The following RBFOX3 variants were observed in gnomAD, a reference collection of about 807,000 sequenced individuals.
RBFOX3 encodes RNA binding protein fox-1 homolog 3.
RBFOX3 carries 17 observed loss-of-function variants against 48.7 expected under a neutral mutation model. The ratio of observed to expected loss-of-function variants is 0.35; its 90% CI spans 0.24 to 0.52. The LOEUF is 0.52. Ranked by LOEUF, RBFOX3 falls within the 20% of genes least tolerant of loss-of-function variation. RBFOX3 has a pLI of 0.94. For synonymous variants in RBFOX3, 212 were observed against 209.5 expected, an observed-to-expected ratio of 1.01 and a Z score of -0.10; for missense variants, 382 against 497.5, an observed-to-expected ratio of 0.77 and a Z score of 2.21.
rs529380538 is a variant in RBFOX3 at position 79,122,872 on chromosome 17, TA to T, written c.-33-7125del. Among the ~76,000 whole-genome samples, 555 of 148,704 alleles carry T rather than the reference TA, an allele frequency of 3.7e-3. 3 individuals carry two copies. The highest frequency in any genetic ancestry group is 0.013 in the African/African-American group (515 of 40,530). On this transcript the variant is annotated intron_variant, in intron 4 of 14. Coordinates refer to ENST00000693108, the MANE Select transcript of RBFOX3 (RefSeq NM_001350451.2). ...TACACAATGGAGTACTATTGAGCCA[TA>T]AAAAAAAAATGAGGGCCTGTCATTT...
chr17:79,493,209 C>G (rs2080956905), intron 1 of RBFOX3, among the ~76,000 whole-genome samples: 1 of 152,062 alleles, frequency 6.6e-6, no homozygotes, highest in African/African-American at 2.4e-5. Flanking sequence ...CTCACATGAA[C>G]TAATTGAGGG....
rs1555794970 is a variant in RBFOX3 at position 79,557,246 on chromosome 17, A to AAAAGG, written c.-320+53575_-320+53579dup. The stretch of plus-strand genomic sequence containing the variant: ...GTCTCAAAAAAAAAAAAAAAAAAAA[A>AAAAGG]AAAGGAAAGGAAAGGAAAGAAATTG... On this transcript the variant is annotated intron_variant, in intron 1 of 14. Coordinates refer to ENST00000693108, the MANE Select transcript of RBFOX3 (RefSeq NM_001350451.2). Among the ~76,000 whole-genome samples the AAAAGG allele has an allele frequency of 1.8e-3, 235 of 132,220 alleles. 1 individual carries two copies. The highest frequency in any genetic ancestry group is 3.3e-3 in the Non-Finnish European group (196 of 60,024). The allele number at this position is 132,220 out of a possible 152,430, so 86.7% of individuals were successfully genotyped here.
At chr17:79,625,691 C>CTGAG in the RBFOX3 span, among the ~76,000 whole-genome samples, 32,299 of 151,940 alleles carry the variant, frequency 0.21, 4,975 homozygotes, top group African/African-American at 0.43. Flanking sequence ...ACTCAGGAGG[C>CTGAG]TGAGGCAGGA....
Position 79,364,774 on chromosome 17 carries a change from A to C in RBFOX3, c.-174-56950T>G, listed in dbSNP as rs1457945282. Among the ~76,000 whole-genome samples the C allele has an allele frequency of 6.6e-6, 1 of 151,888 alleles. No homozygotes were observed. The highest frequency in any genetic ancestry group is 1.9e-4 in the East Asian group (1 of 5,180). ...ATCCAGCACAGCCTCCAGGGAGAGGACCCCGCAAAGCCCCAGGATGACTAC... is the reference window on the plus strand; with the variant it reads ...ATCCAGCACAGCCTCCAGGGAGAGGCCCCCGCAAAGCCCCAGGATGACTAC... On this transcript the variant is annotated intron_variant, in intron 2 of 14. Coordinates refer to ENST00000693108, the MANE Select transcript of RBFOX3 (RefSeq NM_001350451.2). The surrounding 1 kb of genome is among the most constrained non-coding windows in gnomAD (Gnocchi z 5.1).
At chr17:79,625,714 C>T in the RBFOX3 span, among the ~76,000 whole-genome samples, 1 of 152,284 alleles carries the variant, frequency 6.6e-6, no homozygotes, top group African/African-American at 2.4e-5. Flanking sequence ...ATTGCTTGAA[C>T]CCGGGAGGTG....
intron 2 of RBFOX3, among the ~76,000 whole-genome samples, chr17:79,475,883 C>G (rs1207658521): frequency 6.6e-6 from 1 of 152,208 alleles, no homozygotes; most frequent in African/African-American, 2.4e-5. Context: ...TGAGAAGCAA[C>G]CCCGCTGCCC....
At chr17:79,160,968 G>A (rs1184707890) in intron 4 of RBFOX3, among the ~76,000 whole-genome samples, 9 of 142,896 alleles carry the variant, frequency 6.3e-5, no homozygotes, top group Admixed American at 5.6e-4. Flanking sequence ...CAACAAGAGC[G>A]AGACTCCATC....
chr17:79,396,894 A>G (rs1231191181), intron 2 of RBFOX3, among the ~76,000 whole-genome samples: 3 of 152,224 alleles, frequency 2.0e-5, no homozygotes, highest in African/African-American at 7.2e-5. Flanking sequence ...GGGTCCGTGA[A>G]GCCGGGCCAG....
At chr17:79,142,647 C>T (rs896967632) in intron 4 of RBFOX3, among the ~76,000 whole-genome samples, 2 of 152,112 alleles carry the variant, frequency 1.3e-5, no homozygotes, top group Non-Finnish European at 2.9e-5. Flanking sequence ...GTCTTCTCCA[C>T]GTAGACTGGC....
At chr17:79,179,310 T>C (rs2051327606) in intron 4 of RBFOX3, among the ~76,000 whole-genome samples, 1 of 152,226 alleles carries the variant, frequency 6.6e-6, no homozygotes, top group Non-Finnish European at 1.5e-5. Context: ...TGCTCTGCCA[T>C]CAACAACTCC....
rs2085479693 is a variant in RBFOX3, at chr17:79,517,873, C to T, written c.-319-35275G>A. On this transcript the variant is annotated intron_variant, in intron 1 of 14. Coordinates refer to ENST00000693108, the MANE Select transcript of RBFOX3 (RefSeq NM_001350451.2). ...GCCTCGCCTGTTCCTGACTCAACAC[C>T]AAAGCTCCCGGCAGATCCCTCACCT... Among the ~76,000 whole-genome samples, 3 of 152,268 alleles carry T rather than the reference C, an allele frequency of 2.0e-5. No homozygotes were observed. In the South Asian group the frequency reaches 6.2e-4, roughly 32 times the overall value.
chr17:79,196,664 T>C (rs2055648873), intron 4 of RBFOX3, among the ~76,000 whole-genome samples: 1 of 152,164 alleles, frequency 6.6e-6, no homozygotes, highest in Non-Finnish European at 1.5e-5. Context: ...GGACTGCACT[T>C]GCCCTGCTCA....
At chr17:79,174,229 A>G (rs907290893) in intron 4 of RBFOX3, among the ~76,000 whole-genome samples, 3 of 152,086 alleles carry the variant, frequency 2.0e-5, no homozygotes, top group South Asian at 2.1e-4. Context: ...GCCTTGCCCT[A>G]TGGTCAGTCC....
chr17:79,281,142 C>T (rs924585618), intron 3 of RBFOX3, among the ~76,000 whole-genome samples: 46 of 152,232 alleles, frequency 3.0e-4, no homozygotes, highest in African/African-American at 4.3e-4. Flanking sequence ...GGGAGCTTCG[C>T]GTGTCTTCCA....
chr17:79,238,369 C>A (rs1433079048), intron 3 of RBFOX3, among the ~76,000 whole-genome samples: 1 of 152,242 alleles, frequency 6.6e-6, no homozygotes, highest in Non-Finnish European at 1.5e-5. Flanking sequence ...AGGTCCAGAG[C>A]CTTGGAAGGG....
At chr17:79,240,339 GC>G (rs1246944408) in intron 3 of RBFOX3, among the ~76,000 whole-genome samples, 2 of 152,200 alleles carry the variant, frequency 1.3e-5, no homozygotes, top group African/African-American at 2.4e-5. Flanking sequence ...CTCATTGGTG[GC>G]CCTTCAGCTT....
chr17:79,197,213 C>CCTT (rs59729222), intron 4 of RBFOX3, among the ~76,000 whole-genome samples: 1 of 152,124 alleles, frequency 6.6e-6, no homozygotes, highest in African/African-American at 2.4e-5. Context: ...TGCAGCCCTC[C>CCTT]GTCGGGGCTG....
intron 1 of RBFOX3, among the ~76,000 whole-genome samples, chr17:79,566,103 G>A (rs982405836): frequency 6.6e-6 from 1 of 151,932 alleles, no homozygotes; most frequent in East Asian, 1.9e-4. Flanking sequence ...TGCCACCTGC[G>A]CCCCATCCGA....
At position 79,106,696 on chromosome 17, in the gene RBFOX3, G is replaced by A. The variant is rs1354840662; in HGVS notation, c.315C>T (p.Asn105=). ...KQQPKRLHVS[N]IPFRFRDPDL... ...CGGGGTCCCTGAACCGGAAGGGGAT[G>A]TTGGAGACGTGTAGCCGCTTGGGCT... is the stretch of plus-strand genomic sequence containing the variant. Residue 105 remains asparagine, a synonymous_variant, in exon 6 of 15, where the codon AAC becomes AAT. Transcript: ENST00000693108. The A allele has an allele frequency of 1.1e-5, 16 of 1,492,732 alleles. No homozygotes were observed. Among genetic ancestry groups the A allele is most frequent in the Non-Finnish European group, 1.4e-5 (16 of 1,125,852 alleles). The allele number at this position is 1,492,732 out of a possible 1,614,324, so 92.5% of individuals were successfully genotyped here. A position where few individuals can be genotyped will look rare whatever the true frequency, so the allele number is the denominator to read the frequency against.
Sources: allele counts gnomAD v4.1 joint callset (sites outside exome capture counted in the v4.1 genomes callset), GRCh38; gene constraint gnomAD v4.1.1; non-coding constraint Gnocchi (gnomAD v3.1); transcripts MANE v1.5; gene names NCBI Gene and HGNC (gene_info 2026-07-23, HGNC 2026-07-21).